NRXN1: variants seen among roughly 807,000 people sequenced by gnomAD.
NRXN1 encodes the protein neurexin-1.
In NRXN1, 39 loss-of-function variants were observed where a neutral mutation model predicts 150.9. The ratio of observed to expected loss-of-function variants is 0.26; its 90% CI spans 0.20 to 0.34. The LOEUF (loss-of-function observed/expected upper bound fraction) is 0.34. Among genes scored for constraint, NRXN1 ranks in the 10% least tolerant of loss-of-function variants. The pLI is 1.00. For missense variants in NRXN1, 1,815 were observed against 1,949.9 expected (o/e 0.93, Z 1.30); for synonymous variants, 924 against 757.0 (o/e 1.22, Z -3.62).
chr2:50,695,356 G>A lies in NRXN1; in HGVS notation c.833-71741C>T, dbSNP rs72837031. 9.1e-3 allele frequency among the ~76,000 whole-genome samples: 1,388 copies of A among 152,224 alleles called. 10 individuals are homozygous for A. The highest frequency in any genetic ancestry group is 0.021 in the South Asian group (100 of 4,818). ...TCAAGCTTTGCTAAATAATTTCAAG[G>A]ATATAAGCTATCAAGTTCAGATAAG... On this transcript the variant is annotated intron_variant, in intron 5 of 22. Transcript: ENST00000401669.
At chr2:50,254,107 A>G (rs1250787425) in intron 17 of NRXN1, among the ~76,000 whole-genome samples, 8 of 151,750 alleles carry the variant, frequency 5.3e-5, no homozygotes, top group Non-Finnish European at 7.4e-5. Context: ...TTTTTGGTCT[A>G]TTTGGGAATT....
chr2:50,626,781 A>G (rs1681168602), intron 5 of NRXN1, among the ~76,000 whole-genome samples: 1 of 151,940 alleles, frequency 6.6e-6, no homozygotes, highest in Admixed American at 6.6e-5. Flanking sequence ...TGGGTCATCA[A>G]TAATACCATA....
At chr2:50,864,777 G>C (rs1676638291) in intron 5 of NRXN1, among the ~76,000 whole-genome samples, 1 of 151,982 alleles carries the variant, frequency 6.6e-6, no homozygotes. Flanking sequence ...GACGTCCTTT[G>C]AAACTTGGTT....
chr2:50,188,840 C>A (rs2152819739), intron 18 of NRXN1, among the ~76,000 whole-genome samples: 1 of 152,110 alleles, frequency 6.6e-6, no homozygotes, highest in African/African-American at 2.4e-5. Flanking sequence ...CCAGTCAGAA[C>A]AGAGATCATT....
chr2:50,115,211 T>TG (rs1272366175), intron 18 of NRXN1, among the ~76,000 whole-genome samples: 8 of 102,980 alleles, frequency 7.8e-5, no homozygotes, highest in Non-Finnish European at 1.6e-4. Flanking sequence ...CATATATATG[T>TG]TATGTGTATA....
intron 9 of NRXN1, among the ~76,000 whole-genome samples, chr2:50,540,444 C>A (rs1173394291): frequency 2.0e-5 from 3 of 152,062 alleles, no homozygotes; most frequent in Non-Finnish European, 1.5e-5. Context: ...ATGGAACGAT[C>A]ATTACACGCA....
rs542027121 is a variant in NRXN1 at position 50,379,919 on chromosome 2, T to C, written c.3364+85523A>G. The stretch of plus-strand genomic sequence containing the variant: ...CCTAACCCTTTGAGAAATAAGATTA[T>C]GTTCCCAGTAAATAGTAGTAACAAG... On this transcript the variant is annotated intron_variant, in intron 17 of 22. Transcript: ENST00000401669. Among the ~76,000 whole-genome samples the C allele has an allele frequency of 2.6e-5, 4 of 152,250 alleles. No individual in the cohort carries two copies. In the South Asian group the frequency reaches 6.2e-4, roughly 24 times the overall value.
At chr2:50,689,287 A>G (rs1691711713) in intron 5 of NRXN1, among the ~76,000 whole-genome samples, 1 of 152,168 alleles carries the variant, frequency 6.6e-6, no homozygotes, top group Non-Finnish European at 1.5e-5. Flanking sequence ...TACAGGCTTG[A>G]AAAGAAAACC....
At chr2:49,928,036 G>A (rs1558519685) in intron 22 of NRXN1, among the ~76,000 whole-genome samples, 1 of 151,624 alleles carries the variant, frequency 6.6e-6, no homozygotes, top group Non-Finnish European at 1.5e-5. Flanking sequence ...ATAACCTGAT[G>A]ACAATGGAAA....
rs114665614 is a variant in NRXN1 at position 50,428,977 on chromosome 2, C to T, written c.3364+36465G>A. On this transcript the variant is annotated intron_variant, in intron 17 of 22. Transcript: ENST00000401669. ...ACTATGTATAAGTAAAAAAAGCATG[C>T]GGGTATTAAATAAAACCTAGGTCTA... 2.4e-3 allele frequency among the ~76,000 whole-genome samples: 365 copies of T among 152,116 alleles called. 1 individual carries two copies. Among genetic ancestry groups the T allele is most frequent in the African/African-American group, 8.3e-3 (345 of 41,496 alleles).
rs142149638 is a variant in NRXN1, at chr2:50,782,975, T to G, written c.832+138894A>C. On this transcript the variant is annotated intron_variant, in intron 5 of 22. Coordinates refer to ENST00000401669, the MANE Select transcript of NRXN1 (RefSeq NM_001330078.2). ...GCATTTTTTAAAGCTTCATTATGTTTCTGAGACTTGCGCTCTGATAATGTG... is the reference window on the plus strand; with the variant it reads ...GCATTTTTTAAAGCTTCATTATGTTGCTGAGACTTGCGCTCTGATAATGTG... Among the ~76,000 whole-genome samples, 4 of 152,304 alleles carry G rather than the reference T, an allele frequency of 2.6e-5. 1 individual carries two copies. The highest frequency in any genetic ancestry group is 9.6e-5 in the African/African-American group (4 of 41,584).
intron 17 of NRXN1, among the ~76,000 whole-genome samples, chr2:50,288,090 AT>A (rs943238083): frequency 2.0e-5 from 3 of 152,118 alleles, no homozygotes; most frequent in African/African-American, 7.2e-5. Context: ...ACTCAAATAA[AT>A]TTTTCTCTTG....
chr2:50,622,759 C>G (rs1376873539), intron 6 of NRXN1, among the ~76,000 whole-genome samples: 2 of 152,072 alleles, frequency 1.3e-5, no homozygotes, highest in African/African-American at 2.4e-5. Context: ...CTTAAAGCAT[C>G]TATGCTAAAA....
At chr2:50,713,599 T>C (rs1477067321) in intron 5 of NRXN1, among the ~76,000 whole-genome samples, 2 of 152,058 alleles carry the variant, frequency 1.3e-5, no homozygotes, top group African/African-American at 4.8e-5. Flanking sequence ...CAAATACACA[T>C]TGTAATGTCC....
chr2:50,268,686 A>G (rs2152920868), intron 17 of NRXN1, among the ~76,000 whole-genome samples: 1 of 152,282 alleles, frequency 6.6e-6, no homozygotes, highest in East Asian at 1.9e-4. Flanking sequence ...AGCACTTCAA[A>G]TGAAATATTG....
intron 17 of NRXN1, among the ~76,000 whole-genome samples, chr2:50,314,942 C>A (rs554281935): frequency 2.0e-5 from 3 of 151,946 alleles, no homozygotes; most frequent in Non-Finnish European, 2.9e-5. Context: ...TCCCAACTTA[C>A]CCAGCTTTGG....
At chr2:50,407,478 T>C (rs1274439299) in intron 17 of NRXN1, among the ~76,000 whole-genome samples, 1 of 152,146 alleles carries the variant, frequency 6.6e-6, no homozygotes, top group African/African-American at 2.4e-5. Context: ...AAGACTCCTA[T>C]GGCTTGAATA....
rs534902440 is a variant in NRXN1 at position 50,313,256 on chromosome 2, C to A, written c.3365-76286G>T. On this transcript the variant is annotated intron_variant, in intron 17 of 22. Coordinates refer to ENST00000401669, the MANE Select transcript of NRXN1 (RefSeq NM_001330078.2). The stretch of plus-strand genomic sequence containing the variant: ...CATTCTTTTTGCCTTATATTCTGCT[C>A]ACTCTTACTTCCCTAGTTCCCACCC... Among the ~76,000 whole-genome samples, 5 of 152,176 alleles carry A rather than the reference C, an allele frequency of 3.3e-5. No homozygotes were observed. In the South Asian group the frequency reaches 1.0e-3, roughly 32 times the overall value.
intron 17 of NRXN1, among the ~76,000 whole-genome samples, chr2:50,400,318 T>C (rs2103927067): frequency 6.6e-6 from 1 of 152,194 alleles, no homozygotes; most frequent in East Asian, 1.9e-4. Context: ...AAATCAAGGA[T>C]GATAATTGTT....
Sources: allele counts gnomAD v4.1 joint callset (sites outside exome capture counted in the v4.1 genomes callset), GRCh38; gene constraint gnomAD v4.1.1; transcripts MANE v1.5; gene names NCBI Gene and HGNC (gene_info 2026-07-23, HGNC 2026-07-21).